The following LGR5 variants were observed in gnomAD, a reference collection of about 807,000 sequenced individuals.
The protein encoded by LGR5 is leucine rich repeat containing G protein-coupled receptor 5.
LGR5 carries 54 observed loss-of-function variants against 76.7 expected under a neutral mutation model. That is an observed-to-expected ratio of 0.70 (90% confidence interval 0.57 to 0.88). The LOEUF (loss-of-function observed/expected upper bound fraction) is 0.88, where lower values mean the gene tolerates loss of function less well. Ranked by LOEUF, LGR5 falls within the 40% of genes least tolerant of loss-of-function variation. The pLI is 0.00. For synonymous variants in LGR5, 406 were observed against 421.9 expected (o/e 0.96, Z 0.46); for missense variants, 1,078 against 1,073.3 (o/e 1.00, Z -0.06).
intron 4 of LGR5, among the ~76,000 whole-genome samples, chr12:71,546,436 T>C (rs753851360): frequency 2.6e-5 from 4 of 152,086 alleles, no homozygotes; most frequent in Non-Finnish European, 4.4e-5. Flanking sequence ...TTATTTTTAT[T>C]TTACCTAATA....
chr12:71,575,010 A>C (rs376271798), intron 13 of LGR5, among the ~76,000 whole-genome samples: 1 of 152,180 alleles, frequency 6.6e-6, no homozygotes. Context: ...TTATTTGCTT[A>C]AGAATTTAAA....
At chr12:71,447,090 T>G (rs1872033949) in intron 1 of LGR5, among the ~76,000 whole-genome samples, 1 of 152,238 alleles carries the variant, frequency 6.6e-6, no homozygotes, top group Non-Finnish European at 1.5e-5. Flanking sequence ...AAATTCTATT[T>G]GAGCTTGTAT....
At chr12:71,489,730 A>G (rs1268597649) in intron 1 of LGR5, among the ~76,000 whole-genome samples, 1 of 152,102 alleles carries the variant, frequency 6.6e-6, no homozygotes, top group Non-Finnish European at 1.5e-5. Flanking sequence ...ACACTCCAAA[A>G]TCATGGACCA....
intron 1 of LGR5, among the ~76,000 whole-genome samples, chr12:71,450,607 C>G (rs1238062451): frequency 2.0e-5 from 3 of 152,148 alleles, no homozygotes; most frequent in Non-Finnish European, 4.4e-5. Flanking sequence ...CCAGGCCCAG[C>G]CTCTGTTCAT....
intron 1 of LGR5, among the ~76,000 whole-genome samples, chr12:71,496,905 G>A (rs183910370): frequency 3.9e-5 from 6 of 152,296 alleles, no homozygotes; most frequent in Admixed American, 3.9e-4. Flanking sequence ...GATGTCAGGA[G>A]AATGGTTACT....
rs568487836 is a variant in LGR5 at position 71,452,459 on chromosome 12, C to A, written c.212+12167C>A. 9.8e-5 allele frequency among the ~76,000 whole-genome samples: 15 copies of A among 152,308 alleles called. No individual in the cohort carries two copies. In the South Asian group the frequency reaches 3.1e-3, roughly 32 times the overall value. On this transcript the variant is annotated intron_variant, in intron 1 of 17. Coordinates refer to ENST00000266674, the MANE Select transcript of LGR5 (RefSeq NM_003667.4). ...TCAAACTTTGTCCACATACCTAAGA[C>A]ATAAGATGCCATTTTCTAGCTACAA...
At chr12:71,510,777 G>A (rs1592501915) in intron 2 of LGR5, among the ~76,000 whole-genome samples, 1 of 152,252 alleles carries the variant, frequency 6.6e-6, no homozygotes, top group East Asian at 1.9e-4. Flanking sequence ...GGCCTAAGAA[G>A]GTGATGTCTA....
At chr12:71,521,667 A>G (rs1565716868) in intron 2 of LGR5, among the ~76,000 whole-genome samples, 1 of 152,168 alleles carries the variant, frequency 6.6e-6, no homozygotes, top group African/African-American at 2.4e-5. Flanking sequence ...ATCTGCTAAA[A>G]TTCTGGGTCG....
chr12:71,439,749 C>G (rs369938987), upstream of LGR5: 14 of 285,298 alleles, frequency 4.9e-5, no homozygotes, highest in East Asian at 9.1e-4. Flanking sequence ...ACTGGGCGCG[C>G]AATTCGGGCT....
At chr12:71,505,836 T>C (rs1313527986) in intron 2 of LGR5, among the ~76,000 whole-genome samples, 1 of 152,156 alleles carries the variant, frequency 6.6e-6, no homozygotes, top group African/African-American at 2.4e-5. Context: ...TTCTAGATTG[T>C]ATAGAAGGTT....
chr12:71,556,742 C>A, intron 6 of LGR5, 52 bp downstream of exon 6: 1 of 1,391,506 alleles, frequency 7.2e-7, no homozygotes, highest in Non-Finnish European at 1.0e-6. Flanking sequence ...CATGAATATT[C>A]TGAAGAATCA....
intron 4 of LGR5, among the ~76,000 whole-genome samples, chr12:71,548,819 C>A (rs942902745): frequency 7.5e-4 from 8 of 10,686 alleles, no homozygotes; most frequent in African/African-American, 9.8e-4. Flanking sequence ...GGTGCCTACA[C>A]ACACACACAC....
At chr12:71,449,046 G>A (rs2137204562) in intron 1 of LGR5, among the ~76,000 whole-genome samples, 1 of 152,344 alleles carries the variant, frequency 6.6e-6, no homozygotes, top group South Asian at 2.1e-4. Context: ...CTGAGAGACT[G>A]TGAGTTACTG....
Position 71,553,926 on chromosome 12 carries a change from A to T in LGR5, c.644+638A>T, listed in dbSNP as rs147382249. The stretch of plus-strand genomic sequence containing the variant: ...GTCAACATGGTGAAACCCCACCTCT[A>T]CTAAAAGTACAAAAATTAGCTGGGC... On this transcript the variant is annotated intron_variant, in intron 5 of 17. Transcript: ENST00000266674. Among the ~76,000 whole-genome samples, 682 of 152,258 alleles carry T rather than the reference A, an allele frequency of 4.5e-3. 6 individuals are homozygous for T. The highest frequency in any genetic ancestry group is 0.016 in the African/African-American group (655 of 41,538).
At chr12:71,461,532 C>G (rs1872685153) in intron 1 of LGR5, among the ~76,000 whole-genome samples, 1 of 152,120 alleles carries the variant, frequency 6.6e-6, no homozygotes, top group South Asian at 2.1e-4. Context: ...CTTGGCACAT[C>G]TAAGTGTTAT....
intron 1 of LGR5, among the ~76,000 whole-genome samples, chr12:71,491,634 C>T (rs1874079803): frequency 6.6e-6 from 1 of 151,228 alleles, no homozygotes; most frequent in Non-Finnish European, 1.5e-5. Flanking sequence ...ATTGACAGGT[C>T]TTGGTGTAAT....
chr12:71,440,687 G>A lies in LGR5; in HGVS notation c.212+395G>A, dbSNP rs1871724522. On this transcript the variant is annotated intron_variant, in intron 1 of 17. Transcript: ENST00000266674. The surrounding 1 kb of genome is among the most constrained non-coding windows in gnomAD (Gnocchi z 5.3). ...GTCCCCGCCCCAACCGCCTCTCTGC[G>A]TCTAGTCGCATTCCACGAAAAGATG... Among the ~76,000 whole-genome samples, 1 of 152,172 alleles carries A rather than the reference G, an allele frequency of 6.6e-6. No individual in the cohort carries two copies. The highest frequency in any genetic ancestry group is 2.4e-5 in the African/African-American group (1 of 41,446).
intron 5 of LGR5, among the ~76,000 whole-genome samples, chr12:71,555,289 C>A (rs1225565172): frequency 6.6e-6 from 1 of 152,136 alleles, no homozygotes; most frequent in East Asian, 1.9e-4. Context: ...GCTTTAATTT[C>A]TTTTCCTCCA....
upstream of LGR5, among the ~76,000 whole-genome samples, chr12:71,439,582 C>A (rs978598065): frequency 6.6e-6 from 1 of 151,836 alleles, no homozygotes; most frequent in Non-Finnish European, 1.5e-5. Flanking sequence ...ATCTTCCAGG[C>A]GGAGGCTCAG....
Sources: gnomAD v4.1 joint callset for allele counts (sites outside exome capture counted in the v4.1 genomes callset) on GRCh38, gnomAD v4.1.1 for gene constraint, Gnocchi (gnomAD v3.1) non-coding constraint, MANE v1.5 for transcripts, NCBI Gene and HGNC (gene_info 2026-07-23, HGNC 2026-07-21) for gene names.